CSMD1: variants seen among roughly 807,000 people sequenced by gnomAD.
CSMD1 encodes the protein CUB and sushi domain-containing protein 1.
CSMD1 carries 213 observed loss-of-function variants against 417.5 expected under a neutral mutation model. The ratio of observed to expected loss-of-function variants is 0.51; its 90% CI spans 0.46 to 0.57. CSMD1 has a LOEUF of 0.57. CSMD1 is among the 20% of genes least tolerant of loss of function. The pLI, the probability that CSMD1 is intolerant of heterozygous loss-of-function variation, is 0.00. For missense variants in CSMD1, 6,923 were observed against 4,529.7 expected, an observed-to-expected ratio of 1.53 and a Z score of -15.17; for synonymous variants, 2,862 against 1,736.8, an observed-to-expected ratio of 1.65 and a Z score of -16.11.
At chr8:3,683,263 G>C (rs1438059463) in intron 7 of CSMD1, among the ~76,000 whole-genome samples, 5 of 151,756 alleles carry the variant, frequency 3.3e-5, no homozygotes, top group African/African-American at 9.7e-5. Flanking sequence ...TAAAGACAGT[G>C]ACCCCTGTGA....
At chr8:3,217,407 G>A (rs371890999) in intron 29 of CSMD1, among the ~76,000 whole-genome samples, 1 of 152,162 alleles carries the variant, frequency 6.6e-6, no homozygotes, top group Non-Finnish European at 1.5e-5. Context: ...TCATTCATTC[G>A]TTGGCCCATT....
rs550389140 is a variant in CSMD1 at position 4,715,906 on chromosome 8, T to C, written c.86-78348A>G. ...TGGCTCTGTCCTGGTTCCTCTAGAG[T>C]CTATTCTTCACATAATAGCTAAAAT... On this transcript the variant is annotated intron_variant, in intron 1 of 69. Coordinates refer to ENST00000635120, the MANE Select transcript of CSMD1 (RefSeq NM_033225.6). Among the ~76,000 whole-genome samples, 14 of 152,268 alleles carry C rather than the reference T, an allele frequency of 9.2e-5. No individual in the cohort carries two copies. The South Asian group carries it at 2.3e-3, about 25-fold the overall frequency.
intron 1 of CSMD1, among the ~76,000 whole-genome samples, chr8:4,692,670 G>A (rs1048118822): frequency 3.9e-5 from 6 of 152,138 alleles, no homozygotes; most frequent in Non-Finnish European, 7.3e-5. Context: ...CTGGTTTGCC[G>A]ATGGTCACCA....
intron 10 of CSMD1, among the ~76,000 whole-genome samples, chr8:3,508,509 A>T (rs886258865): frequency 6.6e-6 from 1 of 151,804 alleles, no homozygotes; most frequent in African/African-American, 2.4e-5. Flanking sequence ...AGTATAATAA[A>T]AAAAAAAGAA....
At chr8:4,862,157 G>C (rs1006623371) in intron 1 of CSMD1, among the ~76,000 whole-genome samples, 2 of 152,132 alleles carry the variant, frequency 1.3e-5, no homozygotes, top group East Asian at 3.9e-4. Flanking sequence ...GGGAGTGAAC[G>C]GGAGCTGAGG....
chr8:3,255,031 A>T (rs1258834386), intron 26 of CSMD1, among the ~76,000 whole-genome samples: 1 of 152,032 alleles, frequency 6.6e-6, no homozygotes, highest in Non-Finnish European at 1.5e-5. Flanking sequence ...GATGATGGTG[A>T]TGTACAGATG....
At chr8:3,344,203 A>G (rs1407797171) in intron 22 of CSMD1, among the ~76,000 whole-genome samples, 4 of 152,174 alleles carry the variant, frequency 2.6e-5, no homozygotes, top group African/African-American at 9.7e-5. Context: ...CATGGTGGGG[A>G]GCAGTGGGTC....
intron 28 of CSMD1, among the ~76,000 whole-genome samples, chr8:3,222,930 G>T (rs1798299013): frequency 6.6e-6 from 1 of 152,124 alleles, no homozygotes; most frequent in Non-Finnish European, 1.5e-5. Context: ...ATAAAGATCT[G>T]CAGAAAAGGA....
chr8:4,824,083 C>T (rs1221571331), intron 1 of CSMD1, among the ~76,000 whole-genome samples: 1 of 8,728 alleles, frequency 1.1e-4, no homozygotes, highest in Non-Finnish European at 3.3e-4. Flanking sequence ...AATAAATATC[C>T]ACACACACAC....
chr8:3,556,809 G>A (rs1194590471), intron 10 of CSMD1, among the ~76,000 whole-genome samples: 1 of 152,092 alleles, frequency 6.6e-6, no homozygotes, highest in Non-Finnish European at 1.5e-5. Flanking sequence ...AGGCGACCTT[G>A]GTGGATGCCC....
chr8:3,443,333 GGAGAGA>G lies in CSMD1; in HGVS notation c.1561+25373_1561+25378del, dbSNP rs199701572. ...GGAGTGCTGTACAGCCAGAGAAAGA[GGAGAGA>G]GAGAGAAAGAGAAAGAGAGCAAGCT... is the stretch of plus-strand genomic sequence containing the variant. On this transcript the variant is annotated intron_variant, in intron 12 of 69. Coordinates refer to ENST00000635120, the MANE Select transcript of CSMD1 (RefSeq NM_033225.6). Among the ~76,000 whole-genome samples the G allele has an allele frequency of 7.6e-3, 1,162 of 152,222 alleles. 15 individuals carry two copies. Among genetic ancestry groups the G allele is most frequent in the African/African-American group, 0.026 (1,100 of 41,552 alleles).
At chr8:4,418,451 G>C (rs568105686) in intron 3 of CSMD1, among the ~76,000 whole-genome samples, 1 of 152,214 alleles carries the variant, frequency 6.6e-6, no homozygotes, top group East Asian at 1.9e-4. Flanking sequence ...CAGCGATGGA[G>C]TTTTCACAAC....
intron 1 of CSMD1, among the ~76,000 whole-genome samples, chr8:4,737,269 A>G (rs2116985482): frequency 6.6e-6 from 1 of 152,260 alleles, no homozygotes; most frequent in East Asian, 1.9e-4. Context: ...CTCACTTATA[A>G]GTGGGAGCTA....
intron 12 of CSMD1, 63 bp downstream of exon 12, chr8:3,468,649 A>G (rs1367314858): frequency 2.0e-6 from 2 of 995,534 alleles, no homozygotes; most frequent in East Asian, 5.4e-5. Context: ...ACCAACACAG[A>G]ATGCTCTCTG....
chr8:4,248,009 T>C (rs921556856), intron 3 of CSMD1, among the ~76,000 whole-genome samples: 12 of 152,204 alleles, frequency 7.9e-5, no homozygotes, highest in African/African-American at 2.2e-4. Flanking sequence ...CTCTCCATAA[T>C]TGTATATAGA....
chr8:2,957,375 A>T (rs1271766694), intron 63 of CSMD1, among the ~76,000 whole-genome samples: 1 of 152,162 alleles, frequency 6.6e-6, no homozygotes, highest in Non-Finnish European at 1.5e-5. Flanking sequence ...CTTCGGTTTC[A>T]TGCAGTTTCT....
rs375782247 is a variant in CSMD1, at chr8:4,227,864, G to A, written c.415+192089C>T. On this transcript the variant is annotated intron_variant, in intron 3 of 69. Coordinates refer to ENST00000635120, the MANE Select transcript of CSMD1 (RefSeq NM_033225.6). Reference sequence around the variant, plus strand: ...ATTAAACCCCACACCAGGAGACACAGCCTCCATCCTACATTCAACCCCACA... The same window carrying A: ...ATTAAACCCCACACCAGGAGACACAACCTCCATCCTACATTCAACCCCACA... 1.8e-3 allele frequency among the ~76,000 whole-genome samples: 184 copies of A among 102,684 alleles called. 1 individual carries two copies. The highest frequency in any genetic ancestry group is 6.7e-3 in the African/African-American group (177 of 26,330). 67.4% of individuals were successfully genotyped at this position (102,684 alleles called of 152,430 possible). A position where few individuals can be genotyped will look rare whatever the true frequency, so the allele number is the denominator to read the frequency against.
intron 3 of CSMD1, among the ~76,000 whole-genome samples, chr8:4,106,867 T>A (rs1801595603): frequency 6.6e-6 from 1 of 152,144 alleles, no homozygotes; most frequent in Non-Finnish European, 1.5e-5. Context: ...GCCCCGCATT[T>A]CTTCAACTCA....
At chr8:3,644,125 G>A (rs760291630) in intron 7 of CSMD1, among the ~76,000 whole-genome samples, 4 of 152,326 alleles carry the variant, frequency 2.6e-5, no homozygotes, top group Admixed American at 2.6e-4. Context: ...CACCTGGGAA[G>A]TTGTTATCAA....
Sources: gnomAD v4.1 joint callset for allele counts (sites outside exome capture counted in the v4.1 genomes callset) on GRCh38, gnomAD v4.1.1 for gene constraint, MANE v1.5 for transcripts, NCBI Gene and HGNC (gene_info 2026-07-23, HGNC 2026-07-21) for gene names.